The following FAM107B variants were observed in gnomAD, a reference collection of about 807,000 sequenced individuals.
The protein encoded by FAM107B is family with sequence similarity 107 member B, also known as protein FAM107B.
In FAM107B, 21 loss-of-function variants were observed where a neutral mutation model predicts 31.5. That is an observed-to-expected ratio of 0.67 (90% CI 0.47 to 0.96). The LOEUF is 0.96. FAM107B is among the 40% of genes least tolerant of loss of function. The pLI, the probability that FAM107B is intolerant of heterozygous loss-of-function variation, is 0.00. For missense variants in FAM107B, 452 were observed against 377.1 expected, an observed-to-expected ratio of 1.20 and a Z score of -1.64; for synonymous variants, 157 against 141.5, an observed-to-expected ratio of 1.11 and a Z score of -0.78.
At chr10:14,600,331 C>T (rs868344075) in intron 2 of FAM107B, among the ~76,000 whole-genome samples, 5 of 152,178 alleles carry the variant, frequency 3.3e-5, no homozygotes, top group Admixed American at 6.5e-5. Flanking sequence ...CAATCCCAAG[C>T]GACAAAGTGT....
At chr10:14,614,562 A>C (rs1852804019) in intron 2 of FAM107B, among the ~76,000 whole-genome samples, 1 of 151,164 alleles carries the variant, frequency 6.6e-6, no homozygotes, top group Non-Finnish European at 1.5e-5. Flanking sequence ...AATCCCAGCT[A>C]CTCGGGAGAC....
intron 1 of FAM107B, among the ~76,000 whole-genome samples, chr10:14,726,591 G>A (rs1431113450): frequency 1.3e-5 from 2 of 152,180 alleles, no homozygotes; most frequent in Non-Finnish European, 2.9e-5. Flanking sequence ...TGGAAGCCAC[G>A]TCTAGCCACG....
intron 1 of FAM107B, among the ~76,000 whole-genome samples, chr10:14,714,743 A>G (rs1441574635): frequency 6.6e-6 from 1 of 152,224 alleles, no homozygotes; most frequent in Non-Finnish European, 1.5e-5. Context: ...CTTCACTTGG[A>G]AAAAACTGAA....
intron 1 of FAM107B, among the ~76,000 whole-genome samples, chr10:14,769,891 C>T (rs1564297451): frequency 6.6e-6 from 1 of 152,202 alleles, no homozygotes; most frequent in African/African-American, 2.4e-5. Context: ...ACACTGCGTA[C>T]ATCACTGGGA....
chr10:14,774,789 C>A lies in FAM107B; in HGVS notation c.-126G>T. 8.9e-7 allele frequency: 1 copy of A among 1,120,224 alleles called. No individual in the cohort carries two copies. The highest frequency in any genetic ancestry group is 1.2e-6 in the Non-Finnish European group (1 of 802,898). The allele number at this position is 1,120,224 out of a possible 1,614,324, so 69.4% of individuals were successfully genotyped here. A position where few individuals can be genotyped will look rare whatever the true frequency, so the allele number is the denominator to read the frequency against. On this transcript the variant is annotated 5_prime_UTR_variant, in exon 1 of 5. Transcript: ENST00000181796. Reference sequence around the variant, plus strand: ...GAAGAGAAGAACTTGCTAGTGGTTGCCCCTAAATAGAAGTTGGGATGGCAA... The same window carrying A: ...GAAGAGAAGAACTTGCTAGTGGTTGACCCTAAATAGAAGTTGGGATGGCAA...
chr10:14,604,932 C>A (rs1007007702), intron 2 of FAM107B, among the ~76,000 whole-genome samples: 1 of 152,000 alleles, frequency 6.6e-6, no homozygotes, highest in Admixed American at 6.6e-5. Flanking sequence ...CTGTGCTCAC[C>A]CCCATCTCTC....
chr10:14,529,909 TCC>T (rs1451923752), intron 3 of FAM107B: 4 of 163,740 alleles, frequency 2.4e-5, no homozygotes, highest in African/African-American at 9.6e-5. Context: ...TAGAGACTTC[TCC>T]CCACTACTGA....
chr10:14,767,063 G>GAGAGAC lies in FAM107B; in HGVS notation c.411+7189_411+7190insGTCTCT. On this transcript the variant is annotated intron_variant, in intron 1 of 4. Coordinates refer to ENST00000181796, the MANE Select transcript of FAM107B (RefSeq NM_031453.4). ...ATATATATATATATATATAGAGAGA[G>GAGAGAC]AGAGAGAGAGAGAGAGAGAGAGAGA... 6.2e-5 allele frequency among the ~76,000 whole-genome samples: 2 copies of GAGAGAC among 32,394 alleles called. 1 individual carries two copies. Among genetic ancestry groups the GAGAGAC allele is most frequent in the Non-Finnish European group, 1.3e-4 (2 of 15,880 alleles). The allele number at this position is 32,394 out of a possible 152,430, so 21.3% of individuals were successfully genotyped here. A position where few individuals can be genotyped will look rare whatever the true frequency, so the allele number is the denominator to read the frequency against.
intron 1 of FAM107B, among the ~76,000 whole-genome samples, chr10:14,692,070 G>A (rs191146216): frequency 2.4e-4 from 37 of 152,182 alleles, no homozygotes; most frequent in Admixed American, 2.0e-3. Flanking sequence ...AGGTTTGGAG[G>A]CAAGTGCTAT....
rs1480592155 is a variant in FAM107B, at chr10:14,518,972, T to G, written c.*2218A>C. The G allele has an allele frequency of 6.6e-6, 1 of 152,640 alleles. No individual in the cohort carries two copies. Among genetic ancestry groups the G allele is most frequent in the Non-Finnish European group, 1.5e-5 (1 of 68,048 alleles). 9.5% of individuals were successfully genotyped at this position (152,640 alleles called of 1,614,324 possible). ...AGAGGAGACCGACAGCCTGTTTGAA[T>G]CAGGCTTGTGAGCCCAGCTCATCTG... On this transcript the variant is annotated 3_prime_UTR_variant, in exon 5 of 5. Coordinates refer to ENST00000181796, the MANE Select transcript of FAM107B (RefSeq NM_031453.4).
At chr10:14,772,107 G>A (rs1441938469) in intron 1 of FAM107B, among the ~76,000 whole-genome samples, 1 of 152,134 alleles carries the variant, frequency 6.6e-6, no homozygotes, top group Admixed American at 6.5e-5. Context: ...TGTAATCCCA[G>A]CACTTTGGGA....
intron 2 of FAM107B, among the ~76,000 whole-genome samples, chr10:14,630,331 C>T (rs1853322256): frequency 1.4e-5 from 2 of 147,394 alleles, no homozygotes; most frequent in African/African-American, 5.1e-5. Context: ...GGCTGAATTG[C>T]AAGATTTACC....
intron 2 of FAM107B, among the ~76,000 whole-genome samples, chr10:14,620,368 T>A (rs1852978219): frequency 6.6e-6 from 1 of 152,166 alleles, no homozygotes; most frequent in African/African-American, 2.4e-5. Context: ...TAACCTTTCA[T>A]CAACACCACC....
intron 2 of FAM107B, among the ~76,000 whole-genome samples, chr10:14,556,633 G>A (rs182307432): frequency 1.4e-3 from 208 of 152,298 alleles, no homozygotes; most frequent in Non-Finnish European, 3.7e-4. Context: ...GCTTCACAAG[G>A]CATCCTGCCA....
intron 1 of FAM107B, among the ~76,000 whole-genome samples, chr10:14,686,801 C>T (rs923079063): frequency 4.6e-5 from 7 of 152,146 alleles, no homozygotes; most frequent in African/African-American, 1.2e-4. Flanking sequence ...TGAAGTTGTT[C>T]AGTGCCAATT....
intron 1 of FAM107B, among the ~76,000 whole-genome samples, chr10:14,759,924 C>G (rs999637696): frequency 6.6e-6 from 1 of 152,126 alleles, no homozygotes; most frequent in Non-Finnish European, 1.5e-5. Flanking sequence ...GTTGGCCGGG[C>G]TGGTCTCAAA....
chr10:14,546,606 T>C (rs536896425), intron 2 of FAM107B, among the ~76,000 whole-genome samples: 29 of 152,350 alleles, frequency 1.9e-4, no homozygotes, highest in African/African-American at 6.7e-4. Context: ...TTTGCATTAT[T>C]ACCATTGAGC....
At chr10:14,524,069 T>TTTCC (rs1377993672) in intron 3 of FAM107B, among the ~76,000 whole-genome samples, 3 of 151,248 alleles carry the variant, frequency 2.0e-5, no homozygotes, top group African/African-American at 7.3e-5. Context: ...GAGATACAGT[T>TTTCC]TTCCTCTTGT....
In FAM107B at chr10:14,521,167, C is replaced by A. The variant is rs79621927; in HGVS notation, c.*23G>T. 5 of 1,587,132 alleles carry A rather than the reference C, an allele frequency of 3.2e-6. No individual in the cohort carries two copies. The South Asian group carries it at 3.3e-5, about 11-fold the overall frequency. The stretch of plus-strand genomic sequence containing the variant: ...ACAGACAGCTCTGTGGGGTGACACA[C>A]GAGGTCTTGGTGCAGCCTCAGCCTA... On this transcript the variant is annotated 3_prime_UTR_variant, in exon 5 of 5. Transcript: ENST00000181796.
Sources: gnomAD v4.1 joint callset for allele counts (sites outside exome capture counted in the v4.1 genomes callset) on GRCh38, gnomAD v4.1.1 for gene constraint, MANE v1.5 for transcripts, NCBI Gene and HGNC (gene_info 2026-07-23, HGNC 2026-07-21) for gene names.